Variants in SAA4 observed in about 807,000 individuals in gnomAD.
SAA4 encodes serum amyloid A-4 protein.
SAA4 carries 8 observed loss-of-function variants against 11.2 expected under a neutral mutation model. The observed-to-expected ratio is 0.71, with a 90% CI of 0.42 to 1.29. The LOEUF (loss-of-function observed/expected upper bound fraction) is 1.29, where lower values mean the gene tolerates loss of function less well. Ranked by LOEUF, SAA4 falls within the 50% of genes most tolerant of loss-of-function variation. The pLI is 0.01. For missense variants in SAA4, 171 were observed against 164.2 expected (o/e 1.04, Z -0.23); for synonymous variants, 60 against 56.2 (o/e 1.07, Z -0.30).
At position 18,231,579 on chromosome 11, in the gene SAA4, C is replaced by T. The variant is rs200085015; in HGVS notation, c.316G>A (p.Glu106Lys). The change falls in exon 4 of 4, where the codon GAG becomes AAG. Residue 106 changes from glutamate (E) to lysine (K), a missense_variant. Physicochemically the swap from Glu to Lys is moderately conservative, Grantham distance 56. Coordinates refer to ENST00000278222, the MANE Select transcript of SAA4 (RefSeq NM_006512.4). ...STVLEDSKSN[E>K]KAEEWGRSGK... ...CTCCGGCCCCATTCCTCAGCTTTCT[C>T]GTTGGACTTCGAGTCCTCCAATACA... The T allele has an allele frequency of 9.9e-6, 16 of 1,614,160 alleles. No homozygotes were observed. In the East Asian group the frequency reaches 1.8e-4, roughly 18 times the overall value.
intron 2 of SAA4, among the ~76,000 whole-genome samples, chr11:18,233,678 A>AT (rs34631292): frequency 0.45 from 62,994 of 140,656 alleles, 15,501 homozygotes; most frequent in Non-Finnish European, 0.56. Context: ...CACCCAGCTA[A>AT]TTTTTTTTTT....
intron 2 of SAA4, 34 bp from the exon 3 acceptor site, chr11:18,232,567 G>C: frequency 1.3e-6 from 2 of 1,599,064 alleles, no homozygotes; most frequent in Non-Finnish European, 1.7e-6. Flanking sequence ...AATGAACCCA[G>C]TGACATACTG....
chr11:18,232,578 G>C, intron 2 of SAA4, 45 bp from the exon 3 acceptor site: 1 of 1,581,742 alleles, frequency 6.3e-7, no homozygotes, highest in Non-Finnish European at 8.6e-7. Flanking sequence ...TGACATACTG[G>C]AGAAATGTAG....
chr11:18,235,999 AT>A, intron 1 of SAA4, 69 bp from the exon 2 acceptor site: 4 of 1,394,018 alleles, frequency 2.9e-6, no homozygotes, highest in Non-Finnish European at 3.9e-6. Context: ...TGAGGACTGA[AT>A]TTCTTTCCTT....
chr11:18,232,638 T>G (rs1316588232), intron 2 of SAA4, 105 bp from the exon 3 acceptor site: 5 of 1,483,010 alleles, frequency 3.4e-6, no homozygotes, highest in African/African-American at 1.4e-5. Context: ...GACAAAATAA[T>G]CCTTTGAAAT....
At chr11:18,235,744 G>T in intron 2 of SAA4, 92 bp downstream of exon 2, 2 of 1,264,876 alleles carry the variant, frequency 1.6e-6, no homozygotes, top group Non-Finnish European at 2.2e-6. Flanking sequence ...CCTCTGTGTG[G>T]CTTCTCTAAG....
At chr11:18,233,678 A>ATTTT (rs34631292) in intron 2 of SAA4, among the ~76,000 whole-genome samples, 1 of 140,684 alleles carries the variant, frequency 7.1e-6, no homozygotes. Context: ...CACCCAGCTA[A>ATTTT]TTTTTTTTTT....
intron 2 of SAA4, among the ~76,000 whole-genome samples, chr11:18,235,085 C>T (rs901790154): frequency 3.2e-4 from 49 of 152,120 alleles, no homozygotes; most frequent in Non-Finnish European, 6.9e-4. Flanking sequence ...GCTACCAAAA[C>T]TTTTTAAAAA....
intron 2 of SAA4, among the ~76,000 whole-genome samples, chr11:18,233,266 T>C (rs1857163005): frequency 2.0e-5 from 3 of 152,180 alleles, no homozygotes; most frequent in Admixed American, 1.3e-4. Context: ...CATTCTTCAG[T>C]TGGGGGGAAT....
At position 18,232,468 on chromosome 11, in the gene SAA4, A is replaced by G; in HGVS notation, c.157T>C (p.Tyr53His). 6.2e-7 allele frequency: 1 copy of G among 1,614,188 alleles called. No individual in the cohort carries two copies. The highest frequency in any genetic ancestry group is 8.5e-7 in the Non-Finnish European group (1 of 1,180,042). ...MISNHQNSNRYLYARGNYDAA... is the reference protein window; with the variant it reads ...MISNHQNSNRHLYARGNYDAA... ...TCATAGTTTCCCCGAGCATAGAGAT[A>G]TCTGTTTGAATTTTGGTGATTGGAT... The change falls in exon 3 of 4, where the codon TAT (tyrosine) becomes CAT (histidine). Residue 53 changes from tyrosine to histidine, a missense_variant. Coordinates refer to ENST00000278222, the MANE Select transcript of SAA4 (RefSeq NM_006512.4).
rs565392562 is a variant in SAA4 at position 18,231,536 on chromosome 11, C to G, written c.359G>C (p.Arg120Pro). 1 of 1,613,802 alleles carries G rather than the reference C, an allele frequency of 6.2e-7. No individual in the cohort carries two copies. Among genetic ancestry groups the G allele is most frequent in the African/African-American group, 1.3e-5 (1 of 75,028 alleles). The change falls in exon 4 of 4, where the codon CGC becomes CCC. Residue 120 changes from arginine to proline, a missense_variant. Physicochemically the swap from Arg to Pro is moderately radical, Grantham distance 103 (BLOSUM62 -2). Transcript: ENST00000278222. Reference protein sequence around the residue: ...EWGRSGKDPDRFRPDGLPKKY With the variant: ...EWGRSGKDPDPFRPDGLPKKY ...CTTAGGCAGGCCGTCAGGTCTGAAG[C>G]GGTCGGGGTCTTTGCCACTCCGGCC...
chr11:18,235,875 T>C lies in SAA4; in HGVS notation c.52A>G (p.Ser18Gly), dbSNP rs764945042. The C allele has an allele frequency of 1.5e-5, 25 of 1,613,716 alleles. No individual in the cohort carries two copies. In the Admixed American group the frequency reaches 2.2e-4, roughly 14 times the overall value. Residue 18 changes from serine to glycine, a missense_variant, in exon 2 of 4, where the codon AGT becomes GGT. Coordinates refer to ENST00000278222, the MANE Select transcript of SAA4 (RefSeq NM_006512.4). ...VFCSLVMGVTSESWRSFFKEA... is the reference protein window; with the variant it reads ...VFCSLVMGVTGESWRSFFKEA... ...TTGAAAAACGAACGCCAGCTTTCAC[T>C]GGTGACTCCCATGACCAAGGAGCAG...
Position 18,232,406 on chromosome 11 carries a change from A to G in SAA4, c.219T>C (p.Ala73=), listed in dbSNP as rs760959120. The part of the protein sequence containing the change: ...AQRGPGGVWA[A]KLISRSRVYL... ...GGAATCTGTGTTACCTGATGAGTTT[A>G]GCAGCCCAGACACCCCCAGGTCCTC... Residue 73 remains alanine, a synonymous_variant, in exon 3 of 4, where the codon GCT becomes GCC. Transcript: ENST00000278222. 1.2e-6 allele frequency: 2 copies of G among 1,614,108 alleles called. No homozygotes were observed. The highest frequency in any genetic ancestry group is 8.5e-7 in the Non-Finnish European group (1 of 1,180,006).
intron 2 of SAA4, among the ~76,000 whole-genome samples, chr11:18,235,464 G>A (rs1332769595): frequency 6.6e-6 from 1 of 152,182 alleles, no homozygotes; most frequent in African/African-American, 2.4e-5. Context: ...TGCTAGGCAT[G>A]TCTCAGTCTT....
rs1234880962 is a variant in SAA4, at chr11:18,232,461, T to A, written c.164A>T (p.Tyr55Phe). Residue 55 changes from tyrosine (Y) to phenylalanine (F), a missense_variant, in exon 3 of 4, where the codon TAT (tyrosine) becomes TTT (phenylalanine). Physicochemically the swap from Tyr to Phe is conservative, Grantham distance 22. Coordinates refer to ENST00000278222, the MANE Select transcript of SAA4 (RefSeq NM_006512.4). ...SNHQNSNRYL[Y>F]ARGNYDAAQR... The stretch of plus-strand genomic sequence containing the variant: ...GGCAGCATCATAGTTTCCCCGAGCA[T>A]AGAGATATCTGTTTGAATTTTGGTG... The A allele has an allele frequency of 6.2e-7, 1 of 1,614,042 alleles. No individual in the cohort carries two copies.
intron 2 of SAA4, 34 bp downstream of exon 2, chr11:18,235,802 T>C (rs1590007215): frequency 6.2e-7 from 1 of 1,605,372 alleles, no homozygotes; most frequent in Non-Finnish European, 8.5e-7. Flanking sequence ...GAATGAATCC[T>C]GGGTATGTGC....
intron 2 of SAA4, among the ~76,000 whole-genome samples, chr11:18,233,210 T>C (rs536365306): frequency 1.3e-5 from 2 of 152,214 alleles, no homozygotes; most frequent in Non-Finnish European, 2.9e-5. Context: ...AGGGCATGAA[T>C]GTAAATGTTT....
intron 2 of SAA4, among the ~76,000 whole-genome samples, chr11:18,233,671 C>A (rs115887579): frequency 0.016 from 2,238 of 141,202 alleles, 56 homozygotes; most frequent in African/African-American, 0.054. Flanking sequence ...AATAACACAC[C>A]CAGCTAATTT....
chr11:18,232,323 C>T, intron 3 of SAA4, 72 bp downstream of exon 3: 1 of 1,564,386 alleles, frequency 6.4e-7, no homozygotes, highest in Non-Finnish European at 8.7e-7. Context: ...GAAAGAGCCA[C>T]AGGTTCTCCT....
Sources: allele counts gnomAD v4.1 joint callset (sites outside exome capture counted in the v4.1 genomes callset), GRCh38; gene constraint gnomAD v4.1.1; transcripts MANE v1.5; gene names NCBI Gene and HGNC (gene_info 2026-07-23, HGNC 2026-07-21).